Variants in GTF3C5 observed in about 807,000 individuals in gnomAD.
The protein encoded by GTF3C5 is general transcription factor 3C polypeptide 5.
A neutral mutation model predicts 61.0 loss-of-function variants in GTF3C5; 47 were observed. The ratio of observed to expected loss-of-function variants is 0.77; its 90% CI spans 0.61 to 0.98. The LOEUF (loss-of-function observed/expected upper bound fraction) is 0.98. GTF3C5 is among the 50% of genes least tolerant of loss of function. The pLI, the probability that GTF3C5 is intolerant of heterozygous loss-of-function variation, is 0.00. For synonymous variants in GTF3C5, 295 were observed against 275.4 expected, an observed-to-expected ratio of 1.07 and a Z score of -0.71; for missense variants, 659 against 703.3, an observed-to-expected ratio of 0.94 and a Z score of 0.71.
At chr9:133,039,527 C>A (rs680762) in intron 1 of GTF3C5, among the ~76,000 whole-genome samples, 42,831 of 152,034 alleles carry the variant, frequency 0.28, 6,757 homozygotes, top group Non-Finnish European at 0.34. Flanking sequence ...CCTCACCCTG[C>A]CAGGTAGCTG....
chr9:133,042,154 T>G lies in GTF3C5; in HGVS notation c.221T>G (p.Val74Gly). 1 of 1,614,052 alleles carries G rather than the reference T, an allele frequency of 6.2e-7. No homozygotes were observed. Among genetic ancestry groups the G allele is most frequent in the Non-Finnish European group, 8.5e-7 (1 of 1,179,988 alleles). Residue 74 changes from valine (V) to glycine (G), a missense_variant, in exon 2 of 11, where the codon GTG becomes GGG. Val to Gly is a moderately radical substitution (Grantham distance 109). Transcript: ENST00000372097. The part of the protein sequence containing the change: ...FRPKDPYCHP[V>G]CANRFSTSSL... Reference sequence around the variant, plus strand: ...CCCAAGGACCCATACTGCCACCCAGTGTGCGCCAACCGCTTCAGTACCAGC... The same window carrying G: ...CCCAAGGACCCATACTGCCACCCAGGGTGCGCCAACCGCTTCAGTACCAGC...
intron 3 of GTF3C5, among the ~76,000 whole-genome samples, chr9:133,047,665 G>A (rs1014430781): frequency 2.0e-5 from 3 of 152,086 alleles, no homozygotes; most frequent in Non-Finnish European, 2.9e-5. Context: ...GGGATTACAG[G>A]TGCGCGCCAT....
At chr9:133,031,249 A>C (rs950482839) in intron 1 of GTF3C5, 85 bp downstream of exon 1, 1 of 1,210,216 alleles carries the variant, frequency 8.3e-7, no homozygotes, top group Non-Finnish European at 1.1e-6. Flanking sequence ...CAGCAAGGGA[A>C]ATTTAGCAAA....
At chr9:133,034,412 G>A (rs187026474) in intron 1 of GTF3C5, among the ~76,000 whole-genome samples, 52 of 152,316 alleles carry the variant, frequency 3.4e-4, no homozygotes, top group Admixed American at 5.9e-4. Context: ...GTGTCGAACT[G>A]AAGGGTCAAG....
In GTF3C5 at chr9:133,034,091, T is replaced by C. The variant is rs184157829; in HGVS notation, c.153+2927T>C. Among the ~76,000 whole-genome samples the C allele has an allele frequency of 1.2e-4, 18 of 152,314 alleles. No individual in the cohort carries two copies. The East Asian group carries it at 3.5e-3, about 29-fold the overall frequency. On this transcript the variant is annotated intron_variant, in intron 1 of 10. Transcript: ENST00000372097. Reference sequence around the variant, plus strand: ...CGTACCGTCCGAATACAGAGGGTTCTTGGGCCATTGTTTGGGGATTATCTA... The same window carrying C: ...CGTACCGTCCGAATACAGAGGGTTCCTGGGCCATTGTTTGGGGATTATCTA...
intron 4 of GTF3C5, 87 bp downstream of exon 4, chr9:133,051,065 G>A: frequency 9.2e-7 from 1 of 1,089,698 alleles, no homozygotes; most frequent in Non-Finnish European, 1.3e-6. Flanking sequence ...GTTCCTGGCT[G>A]TGGGGTTGGC....
Position 133,057,993 on chromosome 9 carries a change from C to A in GTF3C5, c.*13C>A, listed in dbSNP as rs201634469. 477 of 1,613,576 alleles carry A rather than the reference C, an allele frequency of 3.0e-4. No individual in the cohort carries two copies. In the African/African-American group the frequency reaches 4.8e-3, roughly 16 times the overall value. On this transcript the variant is annotated 3_prime_UTR_variant, in exon 11 of 11. Transcript: ENST00000372097. Reference sequence around the variant, plus strand: ...GGACTACGTGTGACAGGGCCCAAGGCTGGGCCTCCCTGACCCGGCCAGACT... The same window carrying A: ...GGACTACGTGTGACAGGGCCCAAGGATGGGCCTCCCTGACCCGGCCAGACT...
intron 7 of GTF3C5, 106 bp from the exon 8 acceptor site, chr9:133,054,606 C>T (rs1588479747): frequency 7.1e-7 from 1 of 1,411,422 alleles, no homozygotes; most frequent in East Asian, 2.5e-5. Flanking sequence ...CCGGTCATTC[C>T]TCCCCTAGGA....
At chr9:133,033,896 T>C (rs1849796313) in intron 1 of GTF3C5, among the ~76,000 whole-genome samples, 4 of 152,196 alleles carry the variant, frequency 2.6e-5, no homozygotes. Context: ...TGGGTCGTTG[T>C]GGAGACCGGA....
chr9:133,047,253 A>G (rs1822832999), intron 3 of GTF3C5, among the ~76,000 whole-genome samples: 1 of 152,186 alleles, frequency 6.6e-6, no homozygotes, highest in African/African-American at 2.4e-5. Context: ...AAAGCCACTC[A>G]GGAGCCAAAC....
intron 5 of GTF3C5, among the ~76,000 whole-genome samples, 194 bp downstream of exon 5, chr9:133,052,358 C>G (rs376690177): frequency 1.3e-5 from 2 of 148,596 alleles, no homozygotes; most frequent in East Asian, 4.0e-4. Flanking sequence ...TGCCCTGCCC[C>G]CAACCTAGCA....
chr9:133,047,419 A>G (rs1447992540), intron 3 of GTF3C5, among the ~76,000 whole-genome samples: 1 of 152,110 alleles, frequency 6.6e-6, no homozygotes, highest in East Asian at 1.9e-4. Context: ...GAATCAAGTC[A>G]CTTTGCCTCC....
At chr9:133,052,372 C>A (rs1032837699) in intron 5 of GTF3C5, among the ~76,000 whole-genome samples, 1 of 121,702 alleles carries the variant, frequency 8.2e-6, no homozygotes, top group Non-Finnish European at 1.7e-5. Context: ...CCTAGCACCT[C>A]CCCCGTCCTG....
chr9:133,043,547 A>C (rs1850100035), intron 2 of GTF3C5, among the ~76,000 whole-genome samples, 181 bp from the exon 3 acceptor site: 1 of 152,206 alleles, frequency 6.6e-6, no homozygotes, highest in Admixed American at 6.5e-5. Context: ...TAAGTGACTT[A>C]GACTGCATGG....
chr9:133,043,890 C>T lies in GTF3C5; in HGVS notation c.536C>T (p.Pro179Leu), dbSNP rs751047660. Reference sequence around the variant, plus strand: ...CCCATCTTCTCCCGGCTGGACGCCCCGGTGGACTACTTCTACCGACCAGAG... The same window carrying T: ...CCCATCTTCTCCCGGCTGGACGCCCTGGTGGACTACTTCTACCGACCAGAG... ...PPPIFSRLDA[P>L]VDYFYRPETQ... Residue 179 changes from proline to leucine, a missense_variant, in exon 3 of 11, where the codon CCG becomes CTG. Pro to Leu is a moderately conservative substitution (Grantham distance 98). Coordinates refer to ENST00000372097, the MANE Select transcript of GTF3C5 (RefSeq NM_012087.4). The T allele has an allele frequency of 5.0e-6, 8 of 1,613,972 alleles. No individual in the cohort carries two copies. The highest frequency in any genetic ancestry group is 4.4e-5 in the South Asian group (4 of 91,084).
At chr9:133,055,790 G>A in intron 8 of GTF3C5, 1 of 1,369,910 alleles carries the variant, frequency 7.3e-7, no homozygotes, top group Non-Finnish European at 9.4e-7. Flanking sequence ...GTGGCCCCAG[G>A]AGGGCCTGGG....
At chr9:133,049,807 A>G (rs966573708) in intron 3 of GTF3C5, among the ~76,000 whole-genome samples, 3 of 152,140 alleles carry the variant, frequency 2.0e-5, no homozygotes, top group African/African-American at 7.2e-5. Context: ...GCAATTTTAG[A>G]ATCACAGCAA....
At chr9:133,031,185 G>T in intron 1 of GTF3C5, 21 bp downstream of exon 1, 2 of 1,545,566 alleles carry the variant, frequency 1.3e-6, no homozygotes, top group Middle Eastern at 1.7e-4. Flanking sequence ...GGGAATCTCG[G>T]TGTTGGAATA....
chr9:133,046,638 G>A (rs761535692), intron 3 of GTF3C5, among the ~76,000 whole-genome samples: 7 of 152,200 alleles, frequency 4.6e-5, no homozygotes, highest in Admixed American at 1.3e-4. Context: ...CAGCACAGCA[G>A]CTGGGGTGCA....
Sources: gnomAD v4.1 joint callset for allele counts (sites outside exome capture counted in the v4.1 genomes callset) on GRCh38, gnomAD v4.1.1 for gene constraint, MANE v1.5 for transcripts, NCBI Gene and HGNC (gene_info 2026-07-23, HGNC 2026-07-21) for gene names.